ATP8A1: variants seen among roughly 807,000 people sequenced by gnomAD.
ATP8A1 encodes phospholipid-transporting ATPase IA.
In ATP8A1, 90 loss-of-function variants were observed where a neutral mutation model predicts 177.7. That is an observed-to-expected ratio of 0.51 (90% CI 0.43 to 0.60). ATP8A1 has a LOEUF of 0.60. Ranked by LOEUF, ATP8A1 falls within the 20% of genes least tolerant of loss-of-function variation. ATP8A1 has a pLI of 0.00. For missense variants in ATP8A1, 1,072 were observed against 1,392.8 expected (o/e 0.77, Z 3.67); for synonymous variants, 493 against 485.9 (o/e 1.01, Z -0.19).
chr4:42,548,143 T>A (rs183396755), intron 19 of ATP8A1, among the ~76,000 whole-genome samples: 3 of 152,326 alleles, frequency 2.0e-5, no homozygotes, highest in Admixed American at 2.0e-4. Context: ...GACAATCACT[T>A]TGCTTTCTGT....
intron 22 of ATP8A1, 47 bp downstream of exon 22, chr4:42,522,113 A>G (rs1726187995): frequency 6.4e-7 from 1 of 1,559,758 alleles, no homozygotes; most frequent in Admixed American, 2.2e-5. Flanking sequence ...GATCAAAACT[A>G]TCTGGAAACC....
At chr4:42,454,599 A>G (rs1054095204) in intron 29 of ATP8A1, among the ~76,000 whole-genome samples, 1 of 152,204 alleles carries the variant, frequency 6.6e-6, no homozygotes, top group African/African-American at 2.4e-5. Context: ...AATTATTAAC[A>G]AATACCAATG....
intron 15 of ATP8A1, among the ~76,000 whole-genome samples, chr4:42,568,842 C>T (rs1392870739): frequency 6.6e-6 from 1 of 152,088 alleles, no homozygotes; most frequent in African/African-American, 2.4e-5. Flanking sequence ...AAAAACCTGA[C>T]GGCTTCAGGA....
chr4:42,636,796 C>T (rs187043936), intron 1 of ATP8A1, among the ~76,000 whole-genome samples: 12 of 152,268 alleles, frequency 7.9e-5, no homozygotes, highest in African/African-American at 2.9e-4. Context: ...GCTCCATGCT[C>T]CTCATTGACT....
At chr4:42,460,997 C>T (rs1368468439) in intron 27 of ATP8A1, among the ~76,000 whole-genome samples, 1 of 152,264 alleles carries the variant, frequency 6.6e-6, no homozygotes, top group Admixed American at 6.5e-5. Context: ...CCATTCAGTT[C>T]ACTTATTTAT....
chr4:42,507,758 C>A (rs988655036), intron 22 of ATP8A1, among the ~76,000 whole-genome samples: 70 of 8,868 alleles, frequency 7.9e-3, no homozygotes, highest in Admixed American at 0.015. Flanking sequence ...AAAAAAAAGT[C>A]AGTTAAAAAG....
chr4:42,656,138 T>C (rs573128331), intron 1 of ATP8A1, among the ~76,000 whole-genome samples: 4 of 152,310 alleles, frequency 2.6e-5, no homozygotes, highest in African/African-American at 7.2e-5. Flanking sequence ...TGTTGCTCAG[T>C]GTTGACAACC....
At chr4:42,518,767 T>C (rs1725823121) in intron 22 of ATP8A1, among the ~76,000 whole-genome samples, 1 of 152,160 alleles carries the variant, frequency 6.6e-6, no homozygotes, top group Non-Finnish European at 1.5e-5. Flanking sequence ...CATGTCTCAG[T>C]TAAAGCAGGT....
chr4:42,557,677 A>C (rs536713432), intron 15 of ATP8A1, among the ~76,000 whole-genome samples: 1 of 152,334 alleles, frequency 6.6e-6, no homozygotes, highest in South Asian at 2.1e-4. Context: ...TTCAGTAATG[A>C]AAGTTCTGTC....
At chr4:42,431,622 A>G (rs1715316947) in intron 33 of ATP8A1, among the ~76,000 whole-genome samples, 5 of 152,214 alleles carry the variant, frequency 3.3e-5, no homozygotes, top group Admixed American at 3.3e-4. Context: ...AAAACTCCAA[A>G]AGTGGCAAAT....
chr4:42,504,319 C>G (rs1724146398), intron 23 of ATP8A1, among the ~76,000 whole-genome samples: 1 of 152,198 alleles, frequency 6.6e-6, no homozygotes, highest in Non-Finnish European at 1.5e-5. Context: ...TCCATCATCT[C>G]AAAGTCAGCC....
In ATP8A1 at chr4:42,574,525, C is replaced by G. The variant is rs113384192; in HGVS notation, c.1295+94G>C. ...TCAGACTAAAAAAAACCAAACAACC[C>G]CATACCCTCCCCTAATAAGAACTCC... On this transcript the variant is annotated intron_variant, in intron 14 of 36. Coordinates refer to ENST00000381668, the MANE Select transcript of ATP8A1 (RefSeq NM_006095.2). The G allele has an allele frequency of 1.8e-4, 182 of 984,162 alleles. 1 individual carries two copies. The African/African-American group carries it at 2.4e-3, about 13-fold the overall frequency. 61.0% of individuals were successfully genotyped at this position (984,162 alleles called of 1,614,324 possible). A position where few individuals can be genotyped will look rare whatever the true frequency, so the allele number is the denominator to read the frequency against.
chr4:42,655,305 A>T (rs1741504299), intron 1 of ATP8A1, among the ~76,000 whole-genome samples: 2 of 152,256 alleles, frequency 1.3e-5, no homozygotes, highest in East Asian at 3.8e-4. Context: ...TTGTAAAAGT[A>T]CTTTGGAAAA....
chr4:42,450,135 G>T (rs1208018939), intron 30 of ATP8A1, among the ~76,000 whole-genome samples: 1 of 152,138 alleles, frequency 6.6e-6, no homozygotes, highest in South Asian at 2.1e-4. Flanking sequence ...CTGATGAACA[G>T]ATTAAAAAAT....
intron 1 of ATP8A1, among the ~76,000 whole-genome samples, chr4:42,631,090 C>T (rs1226868417): frequency 2.6e-5 from 4 of 152,182 alleles, no homozygotes; most frequent in Admixed American, 2.0e-4. Context: ...GGCTGAGCCT[C>T]ATAAAAATGG....
At chr4:42,612,447 A>G (rs1382443892) in intron 5 of ATP8A1, among the ~76,000 whole-genome samples, 1 of 146,178 alleles carries the variant, frequency 6.8e-6, no homozygotes, top group Non-Finnish European at 1.5e-5. Context: ...TCACACAACA[A>G]AAACACTGGA....
At chr4:42,613,550 A>G (rs141965646) in intron 5 of ATP8A1, among the ~76,000 whole-genome samples, 157 of 149,802 alleles carry the variant, frequency 1.0e-3, no homozygotes, top group African/African-American at 3.7e-3. Flanking sequence ...TTGTTATACT[A>G]TATTTTTAAA....
intron 5 of ATP8A1, among the ~76,000 whole-genome samples, chr4:42,603,621 T>C (rs1735514364): frequency 6.6e-6 from 1 of 152,228 alleles, no homozygotes; most frequent in African/African-American, 2.4e-5. Flanking sequence ...CCTTTGAAAC[T>C]CTGGAATAAT....
chr4:42,409,569 T>G lies in ATP8A1; in HGVS notation c.*3347A>C, dbSNP rs549960503. 6.6e-6 allele frequency: 1 copy of G among 152,292 alleles called. No homozygotes were observed. Among genetic ancestry groups the G allele is most frequent in the East Asian group, 1.9e-4 (1 of 5,196 alleles). 9.4% of individuals were successfully genotyped at this position (152,292 alleles called of 1,614,324 possible). ...TCTCCATAAATTTTGTAGATGACTA[T>G]TTGTAAGATTATACACTTAATAGGT... On this transcript the variant is annotated 3_prime_UTR_variant, in exon 37 of 37. Coordinates refer to ENST00000381668, the MANE Select transcript of ATP8A1 (RefSeq NM_006095.2).
Sources: allele counts gnomAD v4.1 joint callset (sites outside exome capture counted in the v4.1 genomes callset), GRCh38; gene constraint gnomAD v4.1.1; transcripts MANE v1.5; gene names NCBI Gene and HGNC (gene_info 2026-07-23, HGNC 2026-07-21).